The following NALF1 variants were observed in gnomAD, a reference collection of about 807,000 sequenced individuals.
NALF1 encodes the protein family with sequence similarity 155 member A.
A neutral mutation model predicts 48.4 loss-of-function variants in NALF1; 3 were observed. That is an observed-to-expected ratio of 0.06 (90% CI 0.03 to 0.16). The LOEUF is 0.16. Ranked by LOEUF, NALF1 falls within the 10% of genes least tolerant of loss-of-function variation. The probability of loss-of-function intolerance (pLI) is 1.00; values close to 1 mark genes in which losing one functional copy is unlikely to be tolerated. For missense variants in NALF1, 526 were observed against 571.5 expected (o/e 0.92, Z 0.81); for synonymous variants, 262 against 245.7 (o/e 1.07, Z -0.62).
At chr13:107,656,176 A>G (rs1404933095) in intron 1 of NALF1, among the ~76,000 whole-genome samples, 2 of 152,066 alleles carry the variant, frequency 1.3e-5, no homozygotes, top group Non-Finnish European at 2.9e-5. Flanking sequence ...TAACAAAACT[A>G]AAAAGCTTCT....
At chr13:107,783,488 A>G (rs1455249473) in intron 1 of NALF1, among the ~76,000 whole-genome samples, 1 of 152,174 alleles carries the variant, frequency 6.6e-6, no homozygotes, top group Non-Finnish European at 1.5e-5. Context: ...AGAAGTAGAC[A>G]TGGGAGACTT....
At chr13:107,426,979 G>A (rs1418847247) in intron 1 of NALF1, among the ~76,000 whole-genome samples, 1 of 151,818 alleles carries the variant, frequency 6.6e-6, no homozygotes, top group Non-Finnish European at 1.5e-5. Flanking sequence ...CTTATATTAA[G>A]TGCAACAAGT....
At chr13:107,641,398 G>T (rs1265600727) in intron 1 of NALF1, among the ~76,000 whole-genome samples, 3 of 152,078 alleles carry the variant, frequency 2.0e-5, no homozygotes, top group Non-Finnish European at 2.9e-5. Context: ...ATAGCTAAAG[G>T]TTAAGAATTT....
At chr13:107,309,394 T>C (rs1882001350) in intron 1 of NALF1, among the ~76,000 whole-genome samples, 1 of 152,246 alleles carries the variant, frequency 6.6e-6, no homozygotes, top group Non-Finnish European at 1.5e-5. Flanking sequence ...TTTCTGCTTC[T>C]AAATGCCAGA....
chr13:107,432,406 C>A (rs1884397523), intron 1 of NALF1, among the ~76,000 whole-genome samples: 1 of 152,188 alleles, frequency 6.6e-6, no homozygotes, highest in Admixed American at 6.5e-5. Flanking sequence ...AGCTCTAGAT[C>A]AGTGCCTCTC....
At chr13:107,327,701 T>G (rs535783972) in intron 1 of NALF1, among the ~76,000 whole-genome samples, 2 of 152,192 alleles carry the variant, frequency 1.3e-5, no homozygotes, top group Non-Finnish European at 2.9e-5. Context: ...TTTTCTTCTC[T>G]TTACCTATTT....
intron 1 of NALF1, among the ~76,000 whole-genome samples, chr13:107,366,279 A>G (rs1024807220): frequency 6.6e-6 from 1 of 152,222 alleles, no homozygotes; most frequent in Admixed American, 6.5e-5. Context: ...TAGGTTATGC[A>G]TTGAGATTCA....
At chr13:107,300,747 T>C (rs1423762065) in intron 1 of NALF1, among the ~76,000 whole-genome samples, 1 of 152,196 alleles carries the variant, frequency 6.6e-6, no homozygotes, top group Non-Finnish European at 1.5e-5. Context: ...TGCAATTGAC[T>C]TAATAAATAG....
At chr13:107,203,992 AG>A (rs1566449995) in intron 2 of NALF1, among the ~76,000 whole-genome samples, 13 of 136,722 alleles carry the variant, frequency 9.5e-5, no homozygotes, top group African/African-American at 3.3e-4. Context: ...CACCCAGGTG[AG>A]CTGGAGGCAG....
chr13:107,560,234 G>A (rs2138392748), intron 1 of NALF1, among the ~76,000 whole-genome samples: 1 of 152,260 alleles, frequency 6.6e-6, no homozygotes, highest in South Asian at 2.1e-4. Flanking sequence ...TGCTGAAGAA[G>A]CTAAAGTCAA....
At chr13:107,397,644 T>A (rs1883734114) in intron 1 of NALF1, among the ~76,000 whole-genome samples, 1 of 152,128 alleles carries the variant, frequency 6.6e-6, no homozygotes, top group East Asian at 1.9e-4. Context: ...CATTTTGATT[T>A]TTTTTTTATC....
intron 1 of NALF1, among the ~76,000 whole-genome samples, chr13:107,393,514 C>A (rs1346561972): frequency 1.3e-5 from 2 of 152,136 alleles, no homozygotes; most frequent in African/African-American, 2.4e-5. Context: ...TCTAGCCTCT[C>A]TAGGAGTCCA....
At chr13:107,510,895 A>T (rs1875866297) in intron 1 of NALF1, among the ~76,000 whole-genome samples, 1 of 152,112 alleles carries the variant, frequency 6.6e-6, no homozygotes, top group Non-Finnish European at 1.5e-5. Context: ...TCACTCGAGT[A>T]CCCTCTCCTT....
intron 1 of NALF1, among the ~76,000 whole-genome samples, chr13:107,568,556 C>T (rs372103898): frequency 2.0e-5 from 3 of 152,198 alleles, no homozygotes; most frequent in Non-Finnish European, 2.9e-5. Context: ...TACCATTTTA[C>T]GTATCCACTA....
At chr13:107,576,759 T>C (rs1024372371) in intron 1 of NALF1, among the ~76,000 whole-genome samples, 16 of 151,986 alleles carry the variant, frequency 1.1e-4, no homozygotes, top group African/African-American at 3.9e-4. Flanking sequence ...AGGTGTGAAA[T>C]GGGATGCCAT....
At chr13:107,595,096 A>T (rs559458943) in intron 1 of NALF1, among the ~76,000 whole-genome samples, 9 of 152,250 alleles carry the variant, frequency 5.9e-5, no homozygotes, top group Non-Finnish European at 2.9e-5. Context: ...AAGGAACATG[A>T]ACAGACAAGA....
At position 107,572,234 on chromosome 13, in the gene NALF1, G is replaced by A. The variant is rs542356886; in HGVS notation, c.915+293448C>T. On this transcript the variant is annotated intron_variant, in intron 1 of 2. Transcript: ENST00000375915. ...CTTGCCTTTCTGCATATCTTGTGAG[G>A]AGGCACTGACTCTCTTGTTCTGGTC... is the stretch of plus-strand genomic sequence containing the variant. 2.6e-5 allele frequency among the ~76,000 whole-genome samples: 4 copies of A among 152,240 alleles called. No homozygotes were observed. The South Asian group carries it at 6.2e-4, about 24-fold the overall frequency.
At chr13:107,529,346 T>C (rs1353741795) in intron 1 of NALF1, among the ~76,000 whole-genome samples, 1 of 152,100 alleles carries the variant, frequency 6.6e-6, no homozygotes, top group Non-Finnish European at 1.5e-5. Context: ...ATCCAGGCCT[T>C]CAGATAAAAA....
intron 1 of NALF1, among the ~76,000 whole-genome samples, chr13:107,714,275 C>T (rs950911627): frequency 2.0e-5 from 3 of 152,194 alleles, no homozygotes; most frequent in African/African-American, 7.2e-5. Context: ...AGCTGCAGCG[C>T]TGCTGTCCTT....
Sources: gnomAD v4.1 joint callset for allele counts (sites outside exome capture counted in the v4.1 genomes callset) on GRCh38, gnomAD v4.1.1 for gene constraint, MANE v1.5 for transcripts, NCBI Gene and HGNC (gene_info 2026-07-23, HGNC 2026-07-21) for gene names.